Variants in SPINK5 observed in about 807,000 individuals in gnomAD.
SPINK5 encodes serine peptidase inhibitor Kazal type 5, also known as serine protease inhibitor Kazal-type 5.
A neutral mutation model predicts 151.8 loss-of-function variants in SPINK5; 125 were observed. The observed-to-expected ratio is 0.82, with a 90% CI of 0.71 to 0.96. The LOEUF (loss-of-function observed/expected upper bound fraction) is 0.96, where lower values mean the gene tolerates loss of function less well. SPINK5 is among the 40% of genes least tolerant of loss of function. The probability of loss-of-function intolerance (pLI) is 0.00; values close to 1 mark genes in which losing one functional copy is unlikely to be tolerated. For missense variants in SPINK5, 1,194 were observed against 1,291.9 expected (o/e 0.92, Z 1.16); for synonymous variants, 374 against 395.3 (o/e 0.95, Z 0.64).
Position 148,070,362 on chromosome 5 carries a change from A to C in SPINK5, c.121A>C (p.Lys41Gln). Residue 41 changes from lysine (K) to glutamine (Q), a missense_variant, in exon 3 of 33, where the codon AAA (lysine) becomes CAA (glutamine). Lys to Gln is a moderately conservative substitution (Grantham distance 53). Coordinates refer to ENST00000256084, the MANE Select transcript of SPINK5 (RefSeq NM_006846.4). Reference sequence around the variant, plus strand: ...ATTTCAGGCATTTATGAAAAATGGAAAACTGTTCTGTCCCCAGGATAAGAA... The same window carrying C: ...ATTTCAGGCATTTATGAAAAATGGACAACTGTTCTGTCCCCAGGATAAGAA... ...HEFQAFMKNG[K>Q]LFCPQDKKFF... The C allele has an allele frequency of 1.2e-6, 2 of 1,612,772 alleles. No homozygotes were observed. The highest frequency in any genetic ancestry group is 2.2e-5 in the South Asian group (2 of 91,066).
At chr5:148,121,650 TA>T (rs922630510) in intron 26 of SPINK5, among the ~76,000 whole-genome samples, 26 of 102,956 alleles carry the variant, frequency 2.5e-4, no homozygotes, top group Non-Finnish European at 3.4e-4. Flanking sequence ...AAATACTGAG[TA>T]AAAAAAAAAT....
chr5:148,102,962 A>T (rs1753687671), intron 15 of SPINK5, among the ~76,000 whole-genome samples: 1 of 152,018 alleles, frequency 6.6e-6, no homozygotes, highest in Admixed American at 6.6e-5. Flanking sequence ...CAAAAACGTG[A>T]CTAGGCTTTT....
At chr5:148,098,144 G>A in intron 11 of SPINK5, 150 bp downstream of exon 11, 1 of 761,684 alleles carries the variant, frequency 1.3e-6, no homozygotes, top group Non-Finnish European at 2.2e-6. Context: ...ATAGAGCTGG[G>A]AGTAAGTACC....
chr5:148,119,139 C>T, intron 24 of SPINK5, 81 bp downstream of exon 24: 1 of 1,349,090 alleles, frequency 7.4e-7, no homozygotes, highest in Non-Finnish European at 1.1e-6. Context: ...AAGAAGGTGT[C>T]AACATGATCA....
Position 148,101,352 on chromosome 5 carries a change from T to C in SPINK5, c.1221-3T>C. ...TTATCTCTTCTTAACCATCCTTTTT[T>C]AGCCAAGCAGAAGAAGAAGAAAAGA... is the stretch of plus-strand genomic sequence containing the variant. On this transcript the variant is annotated splice_region_variant and splice_polypyrimidine_tract_variant and intron_variant, in intron 13 of 32. Coordinates refer to ENST00000256084, the MANE Select transcript of SPINK5 (RefSeq NM_006846.4). 1.9e-6 allele frequency: 3 copies of C among 1,602,568 alleles called. No individual in the cohort carries two copies. Among genetic ancestry groups the C allele is most frequent in the Non-Finnish European group, 2.6e-6 (3 of 1,169,732 alleles).
Position 148,108,796 on chromosome 5 carries a change from G to A in SPINK5, c.1651G>A (p.Gly551Arg), listed in dbSNP as rs762756312. The A allele has an allele frequency of 6.2e-6, 10 of 1,612,318 alleles. No individual in the cohort carries two copies. Among genetic ancestry groups the A allele is most frequent in the Non-Finnish European group, 8.5e-6 (10 of 1,178,772 alleles). The change falls in exon 18 of 33, where the codon GGG becomes AGG. Residue 551 changes from glycine (G) to arginine (R), a missense_variant. Transcript: ENST00000256084. ...EEKKNDKEEK[G>R]KVEAEKVKRE... ...GAAGAAAAATGATAAAGAAGAAAAA[G>A]GGAAAGTCGAGGCTGAAAAAGTTAA...
chr5:148,114,116 T>A (rs1433505575), intron 20 of SPINK5, among the ~76,000 whole-genome samples: 1 of 152,140 alleles, frequency 6.6e-6, no homozygotes, highest in Admixed American at 6.5e-5. Context: ...GAGAACTAAG[T>A]TTATTGAGAG....
chr5:148,065,423 A>G, intron 2 of SPINK5, 51 bp downstream of exon 2: 1 of 1,606,274 alleles, frequency 6.2e-7, no homozygotes, highest in East Asian at 2.2e-5. Flanking sequence ...TTCCCAAAGA[A>G]AAGTGGTTTG....
intron 26 of SPINK5, among the ~76,000 whole-genome samples, chr5:148,123,403 GATATA>G (rs1403934291): frequency 5.9e-4 from 41 of 69,286 alleles, no homozygotes; most frequent in South Asian, 2.4e-3. Context: ...TATATAGATA[GATATA>G]ATATATTATA....
chr5:148,123,429 T>C (rs114192050), intron 26 of SPINK5, among the ~76,000 whole-genome samples: 1 of 29,358 alleles, frequency 3.4e-5, no homozygotes, highest in African/African-American at 8.2e-5. Flanking sequence ...TATATAGATA[T>C]ATATTATCTA....
In SPINK5 at chr5:148,111,907, G is replaced by A. The variant is rs773501254; in HGVS notation, c.1820+12G>A. ...TGTGAAGCCTTCTTGTGAGTGGGCG[G>A]CAGCCACTGCTGCTACTGAGTGTGG... is the stretch of plus-strand genomic sequence containing the variant. On this transcript the variant is annotated intron_variant, in intron 19 of 32. Coordinates refer to ENST00000256084, the MANE Select transcript of SPINK5 (RefSeq NM_006846.4). 5 of 1,612,914 alleles carry A rather than the reference G, an allele frequency of 3.1e-6. No homozygotes were observed. Among genetic ancestry groups the A allele is most frequent in the Non-Finnish European group, 3.4e-6 (4 of 1,179,792 alleles).
At chr5:148,118,654 T>C (rs914599410) in intron 23 of SPINK5, 90 bp downstream of exon 23, 38 of 1,520,448 alleles carry the variant, frequency 2.5e-5, no homozygotes, top group Non-Finnish European at 3.3e-5. Flanking sequence ...GCTCCTTCCA[T>C]GCAAATTATT....
At chr5:148,067,813 TTA>T (rs1752623916) in intron 2 of SPINK5, among the ~76,000 whole-genome samples, 1 of 152,106 alleles carries the variant, frequency 6.6e-6, no homozygotes, top group Non-Finnish European at 1.5e-5. Flanking sequence ...CAAGGTCTCA[TTA>T]TATTTCCCAG....
chr5:148,108,100 TG>T (rs200464776), intron 17 of SPINK5, among the ~76,000 whole-genome samples: 2,945 of 152,252 alleles, frequency 0.019, 46 homozygotes, highest in South Asian at 0.048. Flanking sequence ...TTCAATTTGC[TG>T]GTGTTGTGGT....
chr5:148,086,436 G>T lies in SPINK5; in HGVS notation c.314G>T (p.Arg105Ile). ...TGTGATGATTTTAAAAAAGGAGAAA[G>T]AGATGGGGATTTTATCTGTCCTGAT... The part of the protein sequence containing the change: ...LNCDDFKKGE[R>I]DGDFICPDYY... The change falls in exon 5 of 33, where the codon AGA becomes ATA. Residue 105 changes from arginine to isoleucine, a missense_variant. Coordinates refer to ENST00000256084, the MANE Select transcript of SPINK5 (RefSeq NM_006846.4). 1.2e-6 allele frequency: 2 copies of T among 1,611,642 alleles called. No homozygotes were observed. Among genetic ancestry groups the T allele is most frequent in the Non-Finnish European group, 1.7e-6 (2 of 1,178,626 alleles).
At chr5:148,095,675 G>C in intron 9 of SPINK5, 143 bp from the exon 10 acceptor site, 1 of 677,182 alleles carries the variant, frequency 1.5e-6, no homozygotes, top group South Asian at 1.7e-5. Flanking sequence ...GAAATTAAAG[G>C]GTCTTTTTGG....
At chr5:148,129,750 A>G (rs375430018) in intron 30 of SPINK5, among the ~76,000 whole-genome samples, 13 of 152,310 alleles carry the variant, frequency 8.5e-5, no homozygotes, top group Middle Eastern at 3.4e-3. Context: ...GTACACAAAT[A>G]CTGCTTGACT....
chr5:148,126,845 G>T, intron 29 of SPINK5, 138 bp from the exon 30 acceptor site: 1 of 653,564 alleles, frequency 1.5e-6, no homozygotes, highest in Non-Finnish European at 2.6e-6. Context: ...GCCAGCCTGG[G>T]CCTTCCAAAA....
At chr5:148,072,108 A>C in intron 3 of SPINK5, 40 bp from the exon 4 acceptor site, 1 of 1,586,664 alleles carries the variant, frequency 6.3e-7, no homozygotes, top group Non-Finnish European at 8.7e-7. Context: ...AAAGTTGAGC[A>C]AACAATGTTT....
Sources: gnomAD v4.1 joint callset for allele counts (sites outside exome capture counted in the v4.1 genomes callset) on GRCh38, gnomAD v4.1.1 for gene constraint, MANE v1.5 for transcripts, NCBI Gene and HGNC (gene_info 2026-07-23, HGNC 2026-07-21) for gene names.